The following DCX variants were observed in gnomAD, a reference collection of about 807,000 sequenced individuals.
DCX encodes the protein neuronal migration protein doublecortin.
In DCX, 4 loss-of-function variants were observed where a neutral mutation model predicts 20.9. The ratio of observed to expected loss-of-function variants is 0.19; its 90% CI spans 0.09 to 0.44. The LOEUF (loss-of-function observed/expected upper bound fraction) is 0.44, where lower values mean the gene tolerates loss of function less well. DCX is among the 20% of genes least tolerant of loss of function. The pLI, the probability that DCX is intolerant of heterozygous loss-of-function variation, is 0.99. For synonymous variants in DCX, 103 were observed against 111.4 expected (o/e 0.92, Z 0.47); for missense variants, 133 against 296.9 (o/e 0.45, Z 4.06).
At chrX:111,377,720 T>G (rs748535719) in intron 3 of DCX, among the ~76,000 whole-genome samples, 17 of 111,001 alleles carry the variant, frequency 1.5e-4, no homozygotes, top group African/African-American at 5.6e-4. Flanking sequence ...TGGAACACAT[T>G]TTCACTCTTC....
rs750822866 is a variant in DCX, at chrX:111,301,498, A to G, written c.*189T>C. The G allele has an allele frequency of 2.6e-5, 13 of 495,584 alleles. No individual in the cohort carries two copies. The highest frequency in any genetic ancestry group is 4.0e-5 in the Non-Finnish European group (11 of 274,465). 40.8% of individuals were successfully genotyped at this position (495,584 alleles called of 1,213,427 possible). A position where few individuals can be genotyped will look rare whatever the true frequency, so the allele number is the denominator to read the frequency against. Reference sequence around the variant, plus strand: ...TATCTCTCATAATTGGTAACTGTGGATCAGTGGCCCAGAGGAGAAATCACA... The same window carrying G: ...TATCTCTCATAATTGGTAACTGTGGGTCAGTGGCCCAGAGGAGAAATCACA... On this transcript the variant is annotated 3_prime_UTR_variant, in exon 7 of 7. Coordinates refer to ENST00000636035, the MANE Select transcript of DCX (RefSeq NM_001195553.2).
intron 3 of DCX, among the ~76,000 whole-genome samples, chrX:111,374,478 C>T (rs962396345): frequency 9.0e-6 from 1 of 111,492 alleles, no homozygotes; most frequent in Non-Finnish European, 1.9e-5. Flanking sequence ...ACATACGCTA[C>T]TGTTCAGATC....
At chrX:111,362,648 C>A (rs1379685175) in intron 3 of DCX, among the ~76,000 whole-genome samples, 1 of 111,598 alleles carries the variant, frequency 9.0e-6, no homozygotes, top group Non-Finnish European at 1.9e-5. Flanking sequence ...GCACTGTTGG[C>A]AGATTCAGGG....
chrX:111,401,303 T>C lies in DCX; in HGVS notation c.392A>G (p.Asn131Ser). The change falls in exon 3 of 7, where the codon AAC becomes AGC. Residue 131 changes from asparagine (N) to serine (S), a missense_variant. Asn to Ser is a conservative substitution (Grantham distance 46, BLOSUM62 1). Transcript: ENST00000636035. Reference sequence around the variant, plus strand: ...GGTGTACTCCACCTTTTTAAAGAAGTTGTCTGAGGAACAGACATAGCTTTC... The same window carrying C: ...GGTGTACTCCACCTTTTTAAAGAAGCTGTCTGAGGAACAGACATAGCTTTC... ...EGESYVCSSDNFFKKVEYTKN... is the reference protein window; with the variant it reads ...EGESYVCSSDSFFKKVEYTKN... The C allele has an allele frequency of 8.3e-7, 1 of 1,211,695 alleles. No homozygotes were observed. The highest frequency in any genetic ancestry group is 3.0e-5 in the East Asian group (1 of 33,830).
At chrX:111,317,116 A>T (rs766083455) in intron 5 of DCX, among the ~76,000 whole-genome samples, 7 of 112,314 alleles carry the variant, frequency 6.2e-5, no homozygotes. Context: ...CCAAATAGCC[A>T]AAGCAAGGAT....
intron 5 of DCX, among the ~76,000 whole-genome samples, chrX:111,316,257 G>T (rs1347559243): frequency 9.1e-6 from 1 of 110,362 alleles, no homozygotes; most frequent in Admixed American, 9.7e-5. Flanking sequence ...TTTTGAGACG[G>T]AGTCTTGCTC....
At chrX:111,409,162 C>T (rs1256561927) in intron 2 of DCX, among the ~76,000 whole-genome samples, 2 of 111,220 alleles carry the variant, frequency 1.8e-5, no homozygotes, top group Admixed American at 1.9e-4. Context: ...AATAGGGAAG[C>T]ATCCTCAGTA....
At chrX:111,362,404 TTTG>T (rs1245571291) in intron 3 of DCX, among the ~76,000 whole-genome samples, 5 of 110,986 alleles carry the variant, frequency 4.5e-5, no homozygotes, top group Non-Finnish European at 9.4e-5. Context: ...CTAGTGTGTC[TTTG>T]TTTCAAATTT....
intron 3 of DCX, 123 bp downstream of exon 3, chrX:111,400,862 CTATAA>C: frequency 3.2e-6 from 2 of 625,166 alleles, no homozygotes; most frequent in Non-Finnish European, 5.1e-6. Context: ...CAAATGAAAC[CTATAA>C]TATCAGGTTG....
Position 111,400,972 on chromosome X carries a change from C to G in DCX, c.705+18G>C, listed in dbSNP as rs1202894427. 1 of 1,198,642 alleles carries G rather than the reference C, an allele frequency of 8.3e-7. No individual in the cohort carries two copies. The highest frequency in any genetic ancestry group is 2.2e-5 in the Admixed American group (1 of 46,006). ...GAATTTAGAAAAAACGGGAAAAGTA[C>G]TTTGAAAAAGTACCTACCTGTTTTC... is the stretch of plus-strand genomic sequence containing the variant. On this transcript the variant is annotated intron_variant, in intron 3 of 6. Transcript: ENST00000636035.
chrX:111,351,060 A>G (rs895297014), intron 3 of DCX, among the ~76,000 whole-genome samples: 1 of 112,054 alleles, frequency 8.9e-6, no homozygotes, highest in African/African-American at 3.2e-5. Context: ...CTTCCACAAC[A>G]TGTGGGAATT....
chrX:111,394,567 T>G (rs745757453), intron 3 of DCX, among the ~76,000 whole-genome samples: 1 of 111,812 alleles, frequency 8.9e-6, no homozygotes, highest in African/African-American at 3.2e-5. Context: ...TTTGAGGGAA[T>G]GACAATAATG....
In DCX at chrX:111,295,679, T is replaced by C. The variant is rs2095018853; in HGVS notation, c.*6008A>G. ...ATTATTAGTATTTAGCTGATATAAA[T>C]CCATGGGTGGATTTTTTCTCTTCAG... On this transcript the variant is annotated 3_prime_UTR_variant, in exon 7 of 7. Transcript: ENST00000636035. The C allele has an allele frequency of 8.9e-6, 1 of 112,330 alleles. No homozygotes were observed. Among genetic ancestry groups the C allele is most frequent in the Non-Finnish European group, 1.9e-5 (1 of 53,271 alleles). 9.3% of individuals were successfully genotyped at this position (112,330 alleles called of 1,213,427 possible).
At chrX:111,359,303 C>A (rs1292580694) in intron 3 of DCX, among the ~76,000 whole-genome samples, 1 of 111,529 alleles carries the variant, frequency 9.0e-6, no homozygotes, top group Non-Finnish European at 1.9e-5. Flanking sequence ...AAGGTGGCAT[C>A]AGTGGAGAAA....
At chrX:111,372,248 T>C (rs910388317) in intron 3 of DCX, among the ~76,000 whole-genome samples, 1 of 112,071 alleles carries the variant, frequency 8.9e-6, no homozygotes, top group Non-Finnish European at 1.9e-5. Flanking sequence ...CGCTTTTTTT[T>C]CCCCATTAAC....
Position 111,396,798 on chromosome X carries a change from C to G in DCX, c.705+4192G>C, listed in dbSNP as rs188643523. Among the ~76,000 whole-genome samples, 8 of 111,845 alleles carry G rather than the reference C, an allele frequency of 7.2e-5. No individual in the cohort carries two copies. The East Asian group carries it at 2.3e-3, about 32-fold the overall frequency. ...ACCATCCAATCCTCTATCATGTCCT[C>G]TTTGACCTCCTAGAAGTCCATTTTA... On this transcript the variant is annotated intron_variant, in intron 3 of 6. Coordinates refer to ENST00000636035, the MANE Select transcript of DCX (RefSeq NM_001195553.2).
chrX:111,405,423 T>A (rs1319294711), intron 2 of DCX, among the ~76,000 whole-genome samples: 1 of 112,249 alleles, frequency 8.9e-6, no homozygotes, highest in African/African-American at 3.2e-5. Context: ...GAAGGTGGAT[T>A]CATCTCAATG....
intron 3 of DCX, among the ~76,000 whole-genome samples, chrX:111,342,306 T>C (rs1297439953): frequency 1.2e-5 from 1 of 80,067 alleles, no homozygotes; most frequent in Non-Finnish European, 2.4e-5. Flanking sequence ...TACATAATTG[T>C]AAAGGGAACA....
At chrX:111,358,691 A>G (rs1923956811) in intron 3 of DCX, among the ~76,000 whole-genome samples, 1 of 112,215 alleles carries the variant, frequency 8.9e-6, no homozygotes, top group South Asian at 3.7e-4. Context: ...ACATCTTCAT[A>G]GTCTGTGATT....
Sources: gnomAD v4.1 joint callset for allele counts (sites outside exome capture counted in the v4.1 genomes callset) on GRCh38, gnomAD v4.1.1 for gene constraint, MANE v1.5 for transcripts, NCBI Gene and HGNC (gene_info 2026-07-23, HGNC 2026-07-21) for gene names.